The following DPP9 variants were observed in gnomAD, a reference collection of about 807,000 sequenced individuals.
DPP9 encodes dipeptidyl peptidase 9.
Under a neutral mutation model 110.7 loss-of-function variants are expected in DPP9, and 50 were observed. That is an observed-to-expected ratio of 0.45 (90% CI 0.36 to 0.57). The LOEUF is 0.57. DPP9 is among the 20% of genes least tolerant of loss of function. The probability of loss-of-function intolerance (pLI) is 0.00; values close to 1 mark genes in which losing one functional copy is unlikely to be tolerated. For synonymous variants in DPP9, 561 were observed against 514.4 expected (o/e 1.09, Z -1.23); for missense variants, 1,022 against 1,217.9 (o/e 0.84, Z 2.39).
intron 11 of DPP9, among the ~76,000 whole-genome samples, chr19:4,696,503 G>T (rs2091813744): frequency 6.6e-6 from 1 of 151,526 alleles, no homozygotes; most frequent in South Asian, 2.1e-4. Context: ...GCTCACGCTT[G>T]TAATCCCAGC....
At chr19:4,709,970 A>G (rs1287612832) in intron 4 of DPP9, among the ~76,000 whole-genome samples, 1 of 152,136 alleles carries the variant, frequency 6.6e-6, no homozygotes, top group East Asian at 1.9e-4. Flanking sequence ...TGATCACCAA[A>G]TGGCCCCTGC....
rs540003774 is a variant in DPP9, at chr19:4,683,215, C to G, written c.2331+262G>C. The G allele has an allele frequency of 9.1e-6, 13 of 1,429,698 alleles. 1 individual carries two copies. The East Asian group carries it at 2.9e-4, about 32-fold the overall frequency. The allele number at this position is 1,429,698 out of a possible 1,614,324, so 88.6% of individuals were successfully genotyped here. A position where few individuals can be genotyped will look rare whatever the true frequency, so the allele number is the denominator to read the frequency against. ...CTCTGCCCATCCGAGGCCGGGGTCCCGGGCTCAGCCTCCCACAGAGAGCTG... is the reference window on the plus strand; with the variant it reads ...CTCTGCCCATCCGAGGCCGGGGTCCGGGGCTCAGCCTCCCACAGAGAGCTG... On this transcript the variant is annotated intron_variant, in intron 19 of 21. Coordinates refer to ENST00000262960, the MANE Select transcript of DPP9 (RefSeq NM_139159.5).
At chr19:4,697,692 C>A in intron 10 of DPP9, 41 bp from the exon 11 acceptor site, 1 of 1,569,698 alleles carries the variant, frequency 6.4e-7, no homozygotes, top group Non-Finnish European at 8.7e-7. Context: ...CCCTGGCCTG[C>A]CCGGCGCTGC....
intron 3 of DPP9, among the ~76,000 whole-genome samples, chr19:4,717,042 C>T (rs1043687836): frequency 2.0e-5 from 3 of 152,144 alleles, no homozygotes; most frequent in African/African-American, 4.8e-5. Context: ...CTGAGTATCA[C>T]GGCTGTGGGC....
intron 3 of DPP9, among the ~76,000 whole-genome samples, chr19:4,716,891 C>A (rs1453628095): frequency 2.6e-5 from 4 of 152,148 alleles, no homozygotes; most frequent in Admixed American, 2.6e-4. Context: ...CAGAGTGCAG[C>A]CCAGAGAACT....
intron 3 of DPP9, 112 bp from the exon 4 acceptor site, chr19:4,714,449 C>T: frequency 7.4e-7 from 1 of 1,353,146 alleles, no homozygotes; most frequent in Non-Finnish European, 9.8e-7. Context: ...CCCACCCCTG[C>T]CGCTTTCCCC....
rs1467400617 is a variant in DPP9, at chr19:4,685,531, T to G, written c.2031+95A>C. 1.5e-6 allele frequency: 2 copies of G among 1,353,736 alleles called. No individual in the cohort carries two copies. Among genetic ancestry groups the G allele is most frequent in the Non-Finnish European group, 2.0e-6 (2 of 984,220 alleles). The allele number at this position is 1,353,736 out of a possible 1,614,324, so 83.9% of individuals were successfully genotyped here. On this transcript the variant is annotated intron_variant, in intron 17 of 21. Transcript: ENST00000262960. This position sits in a 1 kb window ranked among gnomAD's most constrained non-coding sequence, Gnocchi z 5.8. ...CCAGGCAGGTAGCCGGGGAGCCTCC[T>G]CTGGTTGACTGTTCTACAGCTGGCA...
rs956611441 is a variant in DPP9 at position 4,704,662 on chromosome 19, C to T, written c.427-358G>A. 1.3e-5 allele frequency among the ~76,000 whole-genome samples: 2 copies of T among 152,212 alleles called. No homozygotes were observed. The highest frequency in any genetic ancestry group is 2.1e-4 in the South Asian group (1 of 4,836). On this transcript the variant is annotated intron_variant, in intron 5 of 21. Transcript: ENST00000262960. This position sits in a 1 kb window ranked among gnomAD's most constrained non-coding sequence, Gnocchi z 6.0. ...CCCCACACCACCGGAGTACTCTCTC[C>T]GGGTCCCTAGTGCCATTCTTACAGA... is the stretch of plus-strand genomic sequence containing the variant.
At chr19:4,722,796 C>T (rs1357763099) in intron 1 of DPP9, 2 of 492,834 alleles carry the variant, frequency 4.1e-6, no homozygotes, top group Non-Finnish European at 3.6e-6. Context: ...GCCTACGGTC[C>T]ACACCCCCTG....
At position 4,704,902 on chromosome 19, in the gene DPP9, G is replaced by A. The variant is rs2092501052; in HGVS notation, c.427-598C>T. Among the ~76,000 whole-genome samples the A allele has an allele frequency of 1.3e-5, 2 of 152,196 alleles. No individual in the cohort carries two copies. The highest frequency in any genetic ancestry group is 1.3e-4 in the Admixed American group (2 of 15,288). ...TAGTCCCAGCTACTTGGGACGCTGA[G>A]GCAGAAGAATCACTTGAACCGGGAG... On this transcript the variant is annotated intron_variant, in intron 5 of 21. Coordinates refer to ENST00000262960, the MANE Select transcript of DPP9 (RefSeq NM_139159.5). This position sits in a 1 kb window ranked among gnomAD's most constrained non-coding sequence, Gnocchi z 6.0.
At chr19:4,723,318 G>A (rs2093404629) in intron 1 of DPP9, among the ~76,000 whole-genome samples, 1 of 152,174 alleles carries the variant, frequency 6.6e-6, no homozygotes, top group Non-Finnish European at 1.5e-5. Flanking sequence ...AGGGGAGAGG[G>A]TGTCAAGGTC....
At chr19:4,706,778 T>C (rs184836323) in intron 4 of DPP9, among the ~76,000 whole-genome samples, 1 of 152,340 alleles carries the variant, frequency 6.6e-6, no homozygotes, top group African/African-American at 2.4e-5. Context: ...ATTGCGCCAC[T>C]GTAGTCCAGC....
rs376683008 is a variant in DPP9, at chr19:4,700,320, C to G, written c.1013-43G>C. 6.5e-7 allele frequency: 1 copy of G among 1,547,764 alleles called. No individual in the cohort carries two copies. The highest frequency in any genetic ancestry group is 1.8e-5 in the Admixed American group (1 of 55,990). ...AGGTGAACACCAGGCAGGCATCACC[C>G]GTGTGTGCCGAGAGCCGGCACGGGG... On this transcript the variant is annotated intron_variant, in intron 9 of 21. Transcript: ENST00000262960. The surrounding 1 kb of genome is among the most constrained non-coding windows in gnomAD (Gnocchi z 4.3).
In DPP9 at chr19:4,684,992, G is replaced by A. The variant is rs764932499; in HGVS notation, c.2032-183C>T. On this transcript the variant is annotated intron_variant, in intron 17 of 21. Coordinates refer to ENST00000262960, the MANE Select transcript of DPP9 (RefSeq NM_139159.5). This position sits in a 1 kb window ranked among gnomAD's most constrained non-coding sequence, Gnocchi z 4.8. ...GGCAAGGCGGGAGGGGCCCATACTC[G>A]GGACCCTGCTAGGGAGGGGGAAGGG... 8.4e-5 allele frequency: 64 copies of A among 764,750 alleles called. No homozygotes were observed. The Middle Eastern group carries it at 1.1e-3, about 13-fold the overall frequency. The allele number at this position is 764,750 out of a possible 1,614,324, so 47.4% of individuals were successfully genotyped here. A position where few individuals can be genotyped will look rare whatever the true frequency, so the allele number is the denominator to read the frequency against.
chr19:4,702,031 C>T lies in DPP9; in HGVS notation c.1008G>A (p.Arg336=), dbSNP rs753168005. The change falls in exon 9 of 22, where the codon AGG becomes AGA. Residue 336 remains arginine, a synonymous_variant. Transcript: ENST00000262960. The part of the protein sequence containing the change: ...ERKTDSYRYP[R]TGSKNPKIAL... ...TCACATGTACCGGGCACTCACCTGT[C>T]CTGGGGTACCGATACGAGTCCGTCT... The T allele has an allele frequency of 6.2e-7, 1 of 1,613,538 alleles. No individual in the cohort carries two copies. Among genetic ancestry groups the T allele is most frequent in the Non-Finnish European group, 8.5e-7 (1 of 1,179,586 alleles).
At position 4,695,323 on chromosome 19, in the gene DPP9, G is replaced by A. The variant is rs2091702261; in HGVS notation, c.1353+55C>T. The A allele has an allele frequency of 6.7e-6, 10 of 1,497,138 alleles. No homozygotes were observed. Among genetic ancestry groups the A allele is most frequent in the Non-Finnish European group, 8.9e-6 (10 of 1,118,632 alleles). The allele number at this position is 1,497,138 out of a possible 1,614,324, so 92.7% of individuals were successfully genotyped here. ...CAGCCTTCTAGGACGTGGGGGTGGGGACAGTGTGACTCCAGGGCCCAGGCG... is the reference window on the plus strand; with the variant it reads ...CAGCCTTCTAGGACGTGGGGGTGGGAACAGTGTGACTCCAGGGCCCAGGCG... On this transcript the variant is annotated intron_variant, in intron 12 of 21. Transcript: ENST00000262960. This position sits in a 1 kb window ranked among gnomAD's most constrained non-coding sequence, Gnocchi z 4.7.
Position 4,710,410 on chromosome 19 carries a change from C to T in DPP9, c.313+3671G>A, listed in dbSNP as rs966034834. Among the ~76,000 whole-genome samples, 5 of 152,160 alleles carry T rather than the reference C, an allele frequency of 3.3e-5. No individual in the cohort carries two copies. Among genetic ancestry groups the T allele is most frequent in the East Asian group, 1.9e-4 (1 of 5,178 alleles). ...TGGGGAGAGGCTGATCCGCGTGGGG[C>T]GGGAGCGGGGTCGGGAGCGTTTCCC... is the stretch of plus-strand genomic sequence containing the variant. On this transcript the variant is annotated intron_variant, in intron 4 of 21. Transcript: ENST00000262960. This position sits in a 1 kb window ranked among gnomAD's most constrained non-coding sequence, Gnocchi z 5.6.
chr19:4,701,038 C>T (rs918058514), intron 9 of DPP9, among the ~76,000 whole-genome samples: 3 of 152,182 alleles, frequency 2.0e-5, no homozygotes, highest in Admixed American at 6.5e-5. Flanking sequence ...AGCAGGCACT[C>T]GCGGAGTATG....
chr19:4,681,425 C>T (rs956988900), intron 20 of DPP9, among the ~76,000 whole-genome samples: 1 of 152,090 alleles, frequency 6.6e-6, no homozygotes, highest in Non-Finnish European at 1.5e-5. Flanking sequence ...AAGCAATTCT[C>T]CTGCCTCGGC....
Sources: allele counts gnomAD v4.1 joint callset (sites outside exome capture counted in the v4.1 genomes callset), GRCh38; gene constraint gnomAD v4.1.1; non-coding constraint Gnocchi (gnomAD v3.1); transcripts MANE v1.5; gene names NCBI Gene and HGNC (gene_info 2026-07-23, HGNC 2026-07-21).